The following MTCH2 variants were observed in gnomAD, a reference collection of about 807,000 sequenced individuals.
MTCH2 encodes mitochondrial carrier homolog 2.
In MTCH2, 25 loss-of-function variants were observed where a neutral mutation model predicts 50.6. The ratio of observed to expected loss-of-function variants is 0.49; its 90% confidence interval spans 0.36 to 0.69. MTCH2 has a LOEUF of 0.69. Ranked by LOEUF, MTCH2 falls within the 30% of genes least tolerant of loss-of-function variation. The pLI, the probability that MTCH2 is intolerant of heterozygous loss-of-function variation, is 0.00. For missense variants in MTCH2, 273 were observed against 384.4 expected (o/e 0.71, Z 2.42); for synonymous variants, 106 against 132.0 (o/e 0.80, Z 1.35).
At chr11:47,606,894 CTG>C in the MTCH2 span, among the ~76,000 whole-genome samples, 1 of 152,348 alleles carries the variant, frequency 6.6e-6, no homozygotes, top group East Asian at 1.9e-4. Context: ...CTGGGCGAGA[CTG>C]TAGTTACCAG....
chr11:47,613,528 C>T (rs1454544874), downstream of MTCH2, among the ~76,000 whole-genome samples: 1 of 152,188 alleles, frequency 6.6e-6, no homozygotes, highest in East Asian at 1.9e-4. Context: ...TTCTACTACA[C>T]TGAACTAATG....
Position 47,638,803 on chromosome 11 carries a change from G to A in MTCH2, c.175C>T (p.Gln59Ter). Residue 59 changes from glutamine (Q) to a stop codon, truncating the protein, a stop_gained and splice_region_variant, in exon 3 of 13, where the codon CAG becomes TAG. Coordinates refer to ENST00000302503, the MANE Select transcript of MTCH2 (RefSeq NM_014342.4). LOFTEE classifies it high-confidence loss of function. ...CTCCCATCGATACTGGCAATGTGCT[G>A]AGCTAAGAACACAAGTCAGAGATGT... Reference protein sequence around the residue: ...CQLPGLFSYAQHIASIDGRRG... With the variant: ...CQLPGLFSYA 6.2e-7 allele frequency: 1 copy of A among 1,613,956 alleles called. No homozygotes were observed.
Position 47,634,677 on chromosome 11 carries a change from T to G in MTCH2, c.364A>C (p.Lys122Gln), listed in dbSNP as rs1447679819. The change falls in exon 5 of 13, where the codon AAG becomes CAG. Residue 122 changes from lysine to glutamine, a missense_variant. This residue lies in a region of MTCH2 where 203 missense variants were observed against 244.3 expected (regional missense o/e 0.83). Coordinates refer to ENST00000302503, the MANE Select transcript of MTCH2 (RefSeq NM_014342.4). ...EVSSSFDHVIKETTREMIARS... is the reference protein window; with the variant it reads ...EVSSSFDHVIQETTREMIARS... The stretch of plus-strand genomic sequence containing the variant: ...GGATGTAATTCATCTCTTACCTCCT[T>G]GATAACGTGGTCAAAGGAAGATGAG... The G allele has an allele frequency of 6.2e-7, 1 of 1,610,282 alleles. No individual in the cohort carries two copies. Among genetic ancestry groups the G allele is most frequent in the East Asian group, 2.2e-5 (1 of 44,804 alleles).
intron 12 of MTCH2, among the ~76,000 whole-genome samples, chr11:47,621,755 C>A (rs1421621928): frequency 1.3e-5 from 2 of 151,112 alleles, no homozygotes; most frequent in African/African-American, 2.4e-5. Flanking sequence ...TGTTAAGAGA[C>A]ACGTCTGGCT....
chr11:47,617,082 T>C (rs139947260), downstream of MTCH2, among the ~76,000 whole-genome samples: 3 of 152,292 alleles, frequency 2.0e-5, no homozygotes, highest in Non-Finnish European at 4.4e-5. Context: ...TGGAGGATCA[T>C]AGGTATAGGA....
At chr11:47,606,329 C>T in the MTCH2 span, among the ~76,000 whole-genome samples, 4 of 152,158 alleles carry the variant, frequency 2.6e-5, no homozygotes, top group African/African-American at 9.7e-5. Flanking sequence ...CATCTTCATC[C>T]CCAGATGGAA....
At position 47,625,824 on chromosome 11, in the gene MTCH2, A is replaced by G. The variant is rs2097297617; in HGVS notation, c.682-83T>C. On this transcript the variant is annotated intron_variant, in intron 10 of 12. Transcript: ENST00000302503. ...TCCTTTACCTTAAAGGCCTAGTGCC[A>G]CTGCGGTGAGACACTCTAACACTTG... 3 of 1,070,968 alleles carry G rather than the reference A, an allele frequency of 2.8e-6. No homozygotes were observed. The Admixed American group carries it at 5.8e-5, about 21-fold the overall frequency. 66.3% of individuals were successfully genotyped at this position (1,070,968 alleles called of 1,614,324 possible). A position where few individuals can be genotyped will look rare whatever the true frequency, so the allele number is the denominator to read the frequency against.
Position 47,627,068 on chromosome 11 carries a change from T to TA in MTCH2, c.681+11dup, listed in dbSNP as rs2097298883. On this transcript the variant is annotated intron_variant, in intron 10 of 12. Coordinates refer to ENST00000302503, the MANE Select transcript of MTCH2 (RefSeq NM_014342.4). ...TATTCCTAGAAGGTTAAAAGGATTT[T>TA]AAAAAACTCACTCCTGTGACAGCTT... is the stretch of plus-strand genomic sequence containing the variant. 1 of 1,578,720 alleles carries TA rather than the reference T, an allele frequency of 6.3e-7. No individual in the cohort carries two copies. Among genetic ancestry groups the TA allele is most frequent in the Non-Finnish European group, 8.6e-7 (1 of 1,157,764 alleles).
chr11:47,635,666 C>T (rs2097307857), intron 3 of MTCH2, 95 bp from the exon 4 acceptor site: 1 of 1,245,932 alleles, frequency 8.0e-7, no homozygotes, highest in Non-Finnish European at 1.1e-6. Flanking sequence ...AGTAAATTAG[C>T]TGAAGTTTTT....
At chr11:47,630,968 AAGT>A (rs1361429687) in intron 7 of MTCH2, 65 bp downstream of exon 7, 2 of 1,233,896 alleles carry the variant, frequency 1.6e-6, no homozygotes, top group African/African-American at 3.0e-5. Flanking sequence ...TAAAAATACA[AAGT>A]AGTATTATTC....
intron 4 of MTCH2, among the ~76,000 whole-genome samples, chr11:47,635,323 C>T (rs1565974217): frequency 6.6e-6 from 1 of 152,156 alleles, no homozygotes; most frequent in South Asian, 2.1e-4. Flanking sequence ...GATCCTCCCA[C>T]CTTGGCCTCC....
In MTCH2 at chr11:47,628,961, C is replaced by G; in HGVS notation, c.625G>C (p.Asp209His). 1 of 1,613,604 alleles carries G rather than the reference C, an allele frequency of 6.2e-7. No homozygotes were observed. Among genetic ancestry groups the G allele is most frequent in the African/African-American group, 1.3e-5 (1 of 74,998 alleles). The change falls in exon 9 of 13, where the codon GAC (aspartate) becomes CAC (histidine). Residue 209 changes from aspartate to histidine, a missense_variant. Coordinates refer to ENST00000302503, the MANE Select transcript of MTCH2 (RefSeq NM_014342.4). ...LAYLVNTYAL[D>H]SGVSTMNEMK... ...CGAAGGTCACAACCTACCCCACTGT[C>G]CAGTGCATAGGTATTGACGAGGTAG...
intron 2 of MTCH2, 56 bp downstream of exon 2, chr11:47,638,911 C>A: frequency 6.3e-7 from 1 of 1,576,862 alleles, no homozygotes; most frequent in South Asian, 1.1e-5. Context: ...AATAACAACT[C>A]CTGCCTATCA....
At chr11:47,639,124 A>G in intron 1 of MTCH2, 73 bp from the exon 2 acceptor site, 1 of 1,320,014 alleles carries the variant, frequency 7.6e-7, no homozygotes, top group South Asian at 1.3e-5. Flanking sequence ...GGTCTTGAAT[A>G]AAGAACACAA....
intron 1 of MTCH2, among the ~76,000 whole-genome samples, chr11:47,640,625 A>G (rs1380141911): frequency 6.6e-6 from 1 of 151,958 alleles, no homozygotes; most frequent in Non-Finnish European, 1.5e-5. Context: ...CATGTTGGCC[A>G]GGCTAGTCTT....
intron 5 of MTCH2, 86 bp downstream of exon 5, chr11:47,634,586 C>T (rs146815730): frequency 1.8e-5 from 18 of 1,024,118 alleles, no homozygotes; most frequent in Admixed American, 1.3e-4. Context: ...AGACACTGAA[C>T]ACACAGGCCT....
At chr11:47,610,022 TAGAA>T in the MTCH2 span, among the ~76,000 whole-genome samples, 1 of 152,140 alleles carries the variant, frequency 6.6e-6, no homozygotes, top group East Asian at 1.9e-4. Context: ...GTGTTTATAA[TAGAA>T]TTTAGAGTGC....
At chr11:47,634,789 T>G (rs2097306985) in intron 4 of MTCH2, 55 bp from the exon 5 acceptor site, 3 of 1,264,322 alleles carry the variant, frequency 2.4e-6, no homozygotes, top group African/African-American at 3.1e-5. Flanking sequence ...TTTTTTTTTT[T>G]TGAGACAGAG....
downstream of MTCH2, among the ~76,000 whole-genome samples, chr11:47,615,247 C>T (rs2097287701): frequency 6.6e-6 from 1 of 152,042 alleles, no homozygotes; most frequent in East Asian, 1.9e-4. Flanking sequence ...CTATATTATC[C>T]AAGCAGGCTG....
Sources: allele counts gnomAD v4.1 joint callset (sites outside exome capture counted in the v4.1 genomes callset), GRCh38; gene constraint gnomAD v4.1.1; regional missense constraint gnomAD v4.1.1; transcripts MANE v1.5; gene names NCBI Gene and HGNC (gene_info 2026-07-23, HGNC 2026-07-21).